ARHGAP25: variants seen among roughly 807,000 people sequenced by gnomAD.
ARHGAP25 encodes rho GTPase-activating protein 25.
A neutral mutation model predicts 71.0 loss-of-function variants in ARHGAP25; 34 were observed. The observed-to-expected ratio is 0.48, with a 90% CI of 0.36 to 0.64. ARHGAP25 has a LOEUF of 0.64. Among genes scored for constraint, ARHGAP25 ranks in the 30% least tolerant of loss-of-function variants. The pLI is 0.00. For synonymous variants in ARHGAP25, 282 were observed against 296.5 expected (o/e 0.95, Z 0.50); for missense variants, 706 against 805.1 (o/e 0.88, Z 1.49).
At chr2:68,738,458 C>T (rs1027262812) in intron 1 of ARHGAP25, among the ~76,000 whole-genome samples, 1 of 152,136 alleles carries the variant, frequency 6.6e-6, no homozygotes, top group Non-Finnish European at 1.5e-5. Context: ...GCTTTCTGAA[C>T]ATCAGAAAGT....
At position 68,748,818 on chromosome 2, in the gene ARHGAP25, C is replaced by T. The variant is rs566866289; in HGVS notation, c.61+13558C>T. 2.6e-5 allele frequency among the ~76,000 whole-genome samples: 4 copies of T among 152,310 alleles called. No individual in the cohort carries two copies. In the South Asian group the frequency reaches 8.3e-4, roughly 32 times the overall value. ...AGGTCTTAAGTCATTAAGGCTTAGA[C>T]TACTGAACAGAGCTACAAGGGGTAT... On this transcript the variant is annotated intron_variant, in intron 1 of 10. Transcript: ENST00000409202.
At chr2:68,777,516 C>T (rs1678010971) in intron 2 of ARHGAP25, among the ~76,000 whole-genome samples, 1 of 152,196 alleles carries the variant, frequency 6.6e-6, no homozygotes, top group Non-Finnish European at 1.5e-5. Flanking sequence ...CTCCTCCTTA[C>T]TTCTGGGAGG....
intron 5 of ARHGAP25, among the ~76,000 whole-genome samples, chr2:68,812,918 G>T (rs1038667825): frequency 2.0e-5 from 3 of 152,296 alleles, no homozygotes; most frequent in African/African-American, 4.8e-5. Context: ...GGATATAAAG[G>T]AGTTAACACA....
chr2:68,761,491 G>A (rs187561571), intron 1 of ARHGAP25, among the ~76,000 whole-genome samples: 1 of 151,620 alleles, frequency 6.6e-6, no homozygotes, highest in Non-Finnish European at 1.5e-5. Flanking sequence ...TATCTAACAA[G>A]GGATTAATAT....
chr2:68,718,143 TG>T (rs1351607773), intron 2 of ARHGAP25, among the ~76,000 whole-genome samples: 1 of 140,994 alleles, frequency 7.1e-6, no homozygotes, highest in Admixed American at 7.2e-5. Flanking sequence ...AGGGCAGATT[TG>T]TTAAAAAAAA....
intron 1 of ARHGAP25, among the ~76,000 whole-genome samples, chr2:68,737,833 T>C (rs1675296768): frequency 6.6e-6 from 1 of 152,174 alleles, no homozygotes; most frequent in African/African-American, 2.4e-5. Context: ...TAGCTTTTTT[T>C]GATGAGCTAT....
At chr2:68,810,129 A>T (rs1044320729) in intron 5 of ARHGAP25, among the ~76,000 whole-genome samples, 49 of 31,298 alleles carry the variant, frequency 1.6e-3, no homozygotes, top group African/African-American at 2.7e-3. Context: ...GCCCTTGATT[A>T]AAAAAAAAAA....
At chr2:68,742,614 T>C (rs1208914285) in intron 1 of ARHGAP25, among the ~76,000 whole-genome samples, 2 of 152,232 alleles carry the variant, frequency 1.3e-5, no homozygotes, top group Non-Finnish European at 2.9e-5. Context: ...ACACTAGTAA[T>C]TATCATTATT....
chr2:68,762,936 T>C (rs1055360439), intron 1 of ARHGAP25, among the ~76,000 whole-genome samples: 2 of 152,212 alleles, frequency 1.3e-5, no homozygotes, highest in East Asian at 1.9e-4. Context: ...CTGATAATGT[T>C]TGACAGCTTT....
At chr2:68,806,537 A>G (rs554109545) in intron 4 of ARHGAP25, among the ~76,000 whole-genome samples, 2 of 152,352 alleles carry the variant, frequency 1.3e-5, no homozygotes, top group South Asian at 2.1e-4. Flanking sequence ...ACTACTAAGT[A>G]TAACTGAGAC....
chr2:68,750,747 G>A (rs113400869), intron 1 of ARHGAP25, among the ~76,000 whole-genome samples: 5 of 152,330 alleles, frequency 3.3e-5, no homozygotes, highest in South Asian at 2.1e-4. Context: ...CCTGCAGACC[G>A]GACTGTCTGT....
intron 5 of ARHGAP25, among the ~76,000 whole-genome samples, chr2:68,812,258 CTT>C (rs1680880398): frequency 6.6e-6 from 1 of 152,174 alleles, no homozygotes; most frequent in Non-Finnish European, 1.5e-5. Context: ...ACACACTCTT[CTT>C]CTTGTGAGTG....
At chr2:68,719,440 AAAAG>A (rs1454916736) in intron 2 of ARHGAP25, among the ~76,000 whole-genome samples, 1 of 151,860 alleles carries the variant, frequency 6.6e-6, no homozygotes, top group African/African-American at 2.4e-5. Context: ...AAAAAAAAAA[AAAAG>A]AAAAAAAACC....
chr2:68,819,303 A>G lies in ARHGAP25; in HGVS notation c.1184A>G (p.Asp395Gly), dbSNP rs746701704. 1 of 1,614,206 alleles carries G rather than the reference A, an allele frequency of 6.2e-7. No individual in the cohort carries two copies. Among genetic ancestry groups the G allele is most frequent in the Non-Finnish European group, 8.5e-7 (1 of 1,180,038 alleles). The change falls in exon 9 of 11, where the codon GAC becomes GGC. Residue 395 changes from aspartate (D) to glycine (G), a missense_variant. Physicochemically the swap from Asp to Gly is moderately conservative, Grantham distance 94. Transcript: ENST00000409202. ...ATEDLRISRT[D>G]SFSSMTSDSD... ...GAAGACCTCCGAATTTCTAGGACAG[A>G]CAGCTTCAGTAGCATGGTAAGGTGC...
chr2:68,816,871 T>C (rs186847761), intron 7 of ARHGAP25: 375 of 153,098 alleles, frequency 2.4e-3, no homozygotes, highest in Middle Eastern at 0.017. Flanking sequence ...AAATAATTTG[T>C]TGTAGTTCCT....
chr2:68,724,590 G>C (rs1674839132), intron 2 of ARHGAP25, among the ~76,000 whole-genome samples: 1 of 152,188 alleles, frequency 6.6e-6, no homozygotes, highest in Non-Finnish European at 1.5e-5. Flanking sequence ...AGAAGCCTTT[G>C]ACATTATTTA....
At chr2:68,729,697 A>G (rs1044677833) in intron 2 of ARHGAP25, among the ~76,000 whole-genome samples, 1 of 152,218 alleles carries the variant, frequency 6.6e-6, no homozygotes. Context: ...GGAAACATAA[A>G]CCGTAGAACT....
At chr2:68,744,239 C>T (rs56778847) in intron 1 of ARHGAP25, among the ~76,000 whole-genome samples, 3,336 of 152,052 alleles carry the variant, frequency 0.022, 110 homozygotes, top group African/African-American at 0.077. Flanking sequence ...GTTTGCTATT[C>T]TGCTTTCTGG....
Position 68,826,637 on chromosome 2 carries a change from C to T in ARHGAP25, c.*443C>T, listed in dbSNP as rs1055061069. On this transcript the variant is annotated 3_prime_UTR_variant, in exon 11 of 11. Transcript: ENST00000409202. ...AAATGACATTCATCTTTTGAGTCCT[C>T]ATCCATGGAGTGCTGTGTTTGGGGG... 6.3e-6 allele frequency: 2 copies of T among 317,180 alleles called. No homozygotes were observed. The highest frequency in any genetic ancestry group is 2.2e-5 in the African/African-American group (1 of 46,040). 19.6% of individuals were successfully genotyped at this position (317,180 alleles called of 1,614,324 possible). A position where few individuals can be genotyped will look rare whatever the true frequency, so the allele number is the denominator to read the frequency against.
Sources: gnomAD v4.1 joint callset for allele counts (sites outside exome capture counted in the v4.1 genomes callset) on GRCh38, gnomAD v4.1.1 for gene constraint, MANE v1.5 for transcripts, NCBI Gene and HGNC (gene_info 2026-07-23, HGNC 2026-07-21) for gene names.